The following HDAC9 variants were observed in gnomAD, a reference collection of about 807,000 sequenced individuals.
The protein encoded by HDAC9 is MEF-2 interacting transcription repressor (MITR) protein.
In HDAC9, 41 loss-of-function variants were observed where a neutral mutation model predicts 139.4. The ratio of observed to expected loss-of-function variants is 0.29; its 90% CI spans 0.23 to 0.38. HDAC9 has a LOEUF of 0.38. Among genes scored for constraint, HDAC9 ranks in the 10% least tolerant of loss-of-function variants. HDAC9 has a pLI of 1.00. For synonymous variants in HDAC9, 517 were observed against 476.2 expected (o/e 1.09, Z -1.12); for missense variants, 1,147 against 1,297.0 (o/e 0.88, Z 1.78).
intron 2 of HDAC9, among the ~76,000 whole-genome samples, chr7:18,533,104 A>G (rs1223880956): frequency 3.9e-5 from 6 of 152,134 alleles, no homozygotes; most frequent in African/African-American, 1.2e-4. Flanking sequence ...AACCATGTCA[A>G]TTTTCAAGTT....
At chr7:18,427,859 T>A (rs769847662) in intron 1 of HDAC9, among the ~76,000 whole-genome samples, 1 of 152,090 alleles carries the variant, frequency 6.6e-6, no homozygotes, top group Non-Finnish European at 1.5e-5. Context: ...CGTGCATAAC[T>A]GAAATTTTAT....
intron 1 of HDAC9, among the ~76,000 whole-genome samples, chr7:18,128,729 G>C (rs1029207369): frequency 2.0e-5 from 3 of 151,394 alleles, no homozygotes; most frequent in South Asian, 2.1e-4. Context: ...AAATGGTAGG[G>C]GTTAGGGAAG....
In HDAC9 at chr7:18,498,568, C is replaced by A. The variant is rs1308200871; in HGVS notation, c.22+2244C>A. On this transcript the variant is annotated intron_variant, in intron 2 of 25. Coordinates refer to ENST00000686413, the MANE Select transcript of HDAC9 (RefSeq NM_178425.4). The stretch of plus-strand genomic sequence containing the variant: ...AAATCTTGTTCAGCTCCCTTTTGGA[C>A]CAGTGGTCTGGACGTGATTCATAGG... Among the ~76,000 whole-genome samples the A allele has an allele frequency of 2.6e-5, 4 of 152,004 alleles. No homozygotes were observed. In the East Asian group the frequency reaches 7.7e-4, roughly 29 times the overall value.
chr7:18,371,611 C>G (rs1190604476), intron 1 of HDAC9, among the ~76,000 whole-genome samples: 1 of 152,154 alleles, frequency 6.6e-6, no homozygotes, highest in Non-Finnish European at 1.5e-5. Flanking sequence ...AAGTACTATA[C>G]AGACACAATA....
At chr7:18,720,794 A>T (rs1042369531) in intron 12 of HDAC9, among the ~76,000 whole-genome samples, 1 of 151,138 alleles carries the variant, frequency 6.6e-6, no homozygotes, top group Admixed American at 6.6e-5. Flanking sequence ...TGATCCTCCC[A>T]CCTCAGCCTC....
intron 16 of HDAC9, among the ~76,000 whole-genome samples, chr7:18,779,857 A>G (rs1378680208): frequency 1.3e-5 from 2 of 151,970 alleles, no homozygotes; most frequent in African/African-American, 2.4e-5. Context: ...TGACCTACCT[A>G]TCCAACTAAT....
intron 1 of HDAC9, among the ~76,000 whole-genome samples, chr7:18,367,669 A>G (rs945626576): frequency 6.6e-6 from 1 of 152,070 alleles, no homozygotes; most frequent in African/African-American, 2.4e-5. Flanking sequence ...GTTTTCTGGT[A>G]CATGTATGGG....
At chr7:18,349,316 AC>A in intron 1 of HDAC9, among the ~76,000 whole-genome samples, 1 of 56,426 alleles carries the variant, frequency 1.8e-5, no homozygotes, top group Non-Finnish European at 4.8e-5. Context: ...CTACACACAC[AC>A]ACACACACAC....
chr7:18,191,401 G>A (rs1790340400), intron 2 of HDAC9, among the ~76,000 whole-genome samples: 1 of 152,118 alleles, frequency 6.6e-6, no homozygotes, highest in Non-Finnish European at 1.5e-5. Context: ...TTTCTCCATA[G>A]TCTTATCACT....
chr7:18,410,019 A>ATT (rs146621856), intron 1 of HDAC9, among the ~76,000 whole-genome samples: 3 of 151,236 alleles, frequency 2.0e-5, no homozygotes, highest in South Asian at 2.1e-4. Context: ...TTCTTTACCC[A>ATT]TTTTTTTTTG....
chr7:18,689,906 A>C (rs1782551960), intron 12 of HDAC9, among the ~76,000 whole-genome samples: 1 of 152,018 alleles, frequency 6.6e-6, no homozygotes, highest in Admixed American at 6.6e-5. Context: ...TCTTGCATAT[A>C]TCTATAAGTC....
intron 2 of HDAC9, among the ~76,000 whole-genome samples, chr7:18,202,798 T>G (rs1261187097): frequency 6.6e-6 from 1 of 152,126 alleles, no homozygotes; most frequent in Non-Finnish European, 1.5e-5. Flanking sequence ...ATACAGGAAA[T>G]AGCATAGAAG....
At chr7:18,176,398 T>C (rs1039960562) in intron 2 of HDAC9, among the ~76,000 whole-genome samples, 1 of 152,206 alleles carries the variant, frequency 6.6e-6, no homozygotes. Flanking sequence ...TAGTTACTTG[T>C]TTGGTTTGTC....
At chr7:18,480,214 C>A (rs1156374884) in intron 1 of HDAC9, among the ~76,000 whole-genome samples, 1 of 152,092 alleles carries the variant, frequency 6.6e-6, no homozygotes, top group Non-Finnish European at 1.5e-5. Context: ...GTTTTCCCAG[C>A]AACACTACTA....
chr7:18,422,771 C>G (rs993575162), intron 1 of HDAC9, among the ~76,000 whole-genome samples: 2 of 151,908 alleles, frequency 1.3e-5, no homozygotes, highest in Non-Finnish European at 2.9e-5. Flanking sequence ...CACACACACA[C>G]ACACACACAG....
chr7:18,150,753 G>A (rs954473387), intron 1 of HDAC9, among the ~76,000 whole-genome samples: 1 of 152,082 alleles, frequency 6.6e-6, no homozygotes, highest in Non-Finnish European at 1.5e-5. Flanking sequence ...AATATCACTC[G>A]ATTCTCAGAC....
At position 18,924,137 on chromosome 7, in the gene HDAC9, GA is replaced by G. The variant is rs771219982; in HGVS notation, c.2804-11660del. 2.9e-3 allele frequency among the ~76,000 whole-genome samples: 403 copies of G among 138,242 alleles called. 3 individuals carry two copies. Among genetic ancestry groups the G allele is most frequent in the Middle Eastern group, 0.011 (3 of 266 alleles). The allele number at this position is 138,242 out of a possible 152,430, so 90.7% of individuals were successfully genotyped here. ...ATTGCCTGTTTTAAAAAAAAGGAAG[GA>G]AAAAAAAAAAACTATCCTAACTATC... On this transcript the variant is annotated intron_variant, in intron 22 of 25. Coordinates refer to ENST00000686413, the MANE Select transcript of HDAC9 (RefSeq NM_178425.4).
intron 21 of HDAC9, among the ~76,000 whole-genome samples, chr7:18,871,785 C>T (rs1798934963): frequency 6.6e-6 from 1 of 152,134 alleles, no homozygotes; most frequent in South Asian, 2.1e-4. Flanking sequence ...GAACAGTGAA[C>T]ACTTCCATGG....
chr7:18,360,756 A>T (rs1472133371), intron 1 of HDAC9, among the ~76,000 whole-genome samples: 1 of 152,162 alleles, frequency 6.6e-6, no homozygotes, highest in Non-Finnish European at 1.5e-5. Flanking sequence ...TTGTCTTGTT[A>T]TACCAGTAAA....
Sources: allele counts gnomAD v4.1 joint callset (sites outside exome capture counted in the v4.1 genomes callset), GRCh38; gene constraint gnomAD v4.1.1; transcripts MANE v1.5; gene names NCBI Gene and HGNC (gene_info 2026-07-23, HGNC 2026-07-21).